The following WAPL variants were observed in gnomAD, a reference collection of about 807,000 sequenced individuals.
WAPL encodes wings apart-like protein homolog.
In WAPL, 5 loss-of-function variants were observed where a neutral mutation model predicts 121.0. The observed-to-expected ratio is 0.04, with a 90% CI of 0.02 to 0.09. The LOEUF (loss-of-function observed/expected upper bound fraction) is 0.09. Among genes scored for constraint, WAPL ranks in the 10% least tolerant of loss-of-function variants. The probability of loss-of-function intolerance (pLI) is 1.00; values close to 1 mark genes in which losing one functional copy is unlikely to be tolerated. For synonymous variants in WAPL, 480 were observed against 481.5 expected (o/e 1.00, Z 0.04); for missense variants, 999 against 1,410.8 (o/e 0.71, Z 4.68).
At chr10:86,455,548 G>T (rs1357575966) in intron 12 of WAPL, among the ~76,000 whole-genome samples, 1 of 151,538 alleles carries the variant, frequency 6.6e-6, no homozygotes, top group African/African-American at 2.4e-5. Flanking sequence ...CACAAGGAAG[G>T]CCGCAGGGTC....
chr10:86,467,578 C>T, intron 8 of WAPL, 72 bp from the exon 9 acceptor site: 2 of 1,099,534 alleles, frequency 1.8e-6, no homozygotes, highest in Non-Finnish European at 2.6e-6. Flanking sequence ...GGAAATAAGA[C>T]TATTAATGAC....
At chr10:86,455,682 C>CAAAA (rs1841124136) in intron 12 of WAPL, among the ~76,000 whole-genome samples, 1 of 38,784 alleles carries the variant, frequency 2.6e-5, no homozygotes, top group Non-Finnish European at 5.7e-5. Context: ...TCAATAAATA[C>CAAAA]TAAAAAAAAA....
chr10:86,460,364 T>A, intron 11 of WAPL, 35 bp downstream of exon 11: 1 of 1,540,300 alleles, frequency 6.5e-7, no homozygotes, highest in South Asian at 1.1e-5. Flanking sequence ...CAATTAAGAC[T>A]GAATAATTTT....
intron 9 of WAPL, among the ~76,000 whole-genome samples, chr10:86,462,429 T>C (rs1202167147): frequency 5.9e-5 from 9 of 152,038 alleles, no homozygotes; most frequent in Admixed American, 5.9e-4. Flanking sequence ...AAAAAAGTTG[T>C]TCTCGGCCAG....
Position 86,443,349 on chromosome 10 carries a change from C to G in WAPL, c.3337G>C (p.Gly1113Arg). 6.2e-7 allele frequency: 1 copy of G among 1,613,834 alleles called. No homozygotes were observed. Among genetic ancestry groups the G allele is most frequent in the Non-Finnish European group, 8.5e-7 (1 of 1,179,930 alleles). ...ACAATGCAATCCTCCATGTGTTTGC[C>G]GGCATGCTGAAGGGCTGAGAGAATT... is the stretch of plus-strand genomic sequence containing the variant. ...LDLNKALQHA[G>R]KHMEDCIVAS... The change falls in exon 17 of 19, where the codon GGC becomes CGC. Residue 1113 changes from glycine (G) to arginine (R), a missense_variant. By Grantham distance (125) the Gly-to-Arg change is moderately radical. Around this residue, in one of 7 missense-constraint regions of WAPL, gnomAD observed 126 missense variants for 144.0 expected, o/e 0.87. Coordinates refer to ENST00000298767, the MANE Select transcript of WAPL (RefSeq NM_015045.5).
chr10:86,475,722 T>C (rs1448095655), intron 4 of WAPL, among the ~76,000 whole-genome samples: 1 of 152,230 alleles, frequency 6.6e-6, no homozygotes, highest in African/African-American at 2.4e-5. Context: ...ATTCCTTCCA[T>C]TCTTTTCAAA....
intron 12 of WAPL, among the ~76,000 whole-genome samples, chr10:86,455,776 A>G (rs1188759623): frequency 6.6e-6 from 1 of 152,076 alleles, no homozygotes; most frequent in Non-Finnish European, 1.5e-5. Flanking sequence ...TAAAAGATAG[A>G]GCGTAAATCT....
At chr10:86,485,238 C>T (rs1435808737) in intron 4 of WAPL, among the ~76,000 whole-genome samples, 1 of 151,942 alleles carries the variant, frequency 6.6e-6, no homozygotes, top group African/African-American at 2.4e-5. Context: ...TTAAAGGCAC[C>T]TATACTAAAG....
intron 16 of WAPL, chr10:86,443,658 G>C: frequency 3.1e-6 from 1 of 323,532 alleles, no homozygotes; most frequent in Non-Finnish European, 5.7e-6. Context: ...TCATGAACTT[G>C]ATAAGGGTCA....
chr10:86,463,273 A>G (rs1841329944), intron 9 of WAPL, among the ~76,000 whole-genome samples: 1 of 152,258 alleles, frequency 6.6e-6, no homozygotes, highest in Admixed American at 6.5e-5. Flanking sequence ...CCAGGTTGAC[A>G]GAGCCAGAGA....
At chr10:86,490,788 C>T (rs753165447) in intron 4 of WAPL, among the ~76,000 whole-genome samples, 1 of 152,180 alleles carries the variant, frequency 6.6e-6, no homozygotes, top group African/African-American at 2.4e-5. Context: ...GAAGGCCGGG[C>T]GCGGTGGCTC....
At chr10:86,442,935 C>T (rs978474272) in intron 17 of WAPL, among the ~76,000 whole-genome samples, 3 of 148,900 alleles carry the variant, frequency 2.0e-5, no homozygotes, top group East Asian at 2.0e-4. Context: ...CCCAGCTACT[C>T]GGGAGACTGA....
intron 4 of WAPL, among the ~76,000 whole-genome samples, chr10:86,482,620 G>A (rs1025319780): frequency 6.6e-6 from 1 of 152,142 alleles, no homozygotes; most frequent in African/African-American, 2.4e-5. Context: ...CAGGAAGAAA[G>A]AAGTTTTCAC....
At chr10:86,514,928 G>A (rs760289177) in intron 2 of WAPL, among the ~76,000 whole-genome samples, 29 of 151,966 alleles carry the variant, frequency 1.9e-4, no homozygotes, top group Non-Finnish European at 3.5e-4. Flanking sequence ...TACTTCCTCC[G>A]GCCCACCCAC....
Position 86,499,939 on chromosome 10 carries a change from T to C in WAPL, c.1304A>G (p.Glu435Gly). Residue 435 changes from glutamate (E) to glycine (G), a missense_variant, in exon 3 of 19, where the codon GAG becomes GGG. This residue lies in a region of WAPL where 531 missense variants were observed against 563.1 expected (regional missense o/e 0.94). Transcript: ENST00000298767. Reference sequence around the variant, plus strand: ...AGAACCTCCTTCATCACCTCCTGTCTCATGATCTTCAAAACCAAAAAATTC... The same window carrying C: ...AGAACCTCCTTCATCACCTCCTGTCCCATGATCTTCAAAACCAAAAAATTC... ...KLEFFGFEDH[E>G]TGGDEGGSGS... 1 of 1,614,178 alleles carries C rather than the reference T, an allele frequency of 6.2e-7. No homozygotes were observed. Among genetic ancestry groups the C allele is most frequent in the African/African-American group, 1.3e-5 (1 of 75,060 alleles).
chr10:86,448,265 G>A lies in WAPL; in HGVS notation c.3115-1816C>T, dbSNP rs1840884327. Among the ~76,000 whole-genome samples the A allele has an allele frequency of 4.6e-5, 7 of 152,120 alleles. No individual in the cohort carries two copies. In the South Asian group the frequency reaches 1.5e-3, roughly 32 times the overall value. On this transcript the variant is annotated intron_variant, in intron 15 of 18. Transcript: ENST00000298767. ...GACAAAGCAGGAGGATCACTTGAGT[G>A]CAAGAGTTTGAGACCTCAGCTCTAC...
intron 12 of WAPL, among the ~76,000 whole-genome samples, chr10:86,458,459 A>T (rs929134456): frequency 6.6e-6 from 1 of 152,232 alleles, no homozygotes; most frequent in Non-Finnish European, 1.5e-5. Flanking sequence ...AAGAACAGAG[A>T]AAAGTCCATT....
intron 2 of WAPL, among the ~76,000 whole-genome samples, chr10:86,515,077 T>C (rs1171576303): frequency 6.6e-6 from 1 of 151,464 alleles, no homozygotes; most frequent in Non-Finnish European, 1.5e-5. Context: ...CGGGCCAACA[T>C]GGTGAAACGC....
Position 86,520,165 on chromosome 10 carries a change from C to CA in WAPL, c.-23+1199dup, listed in dbSNP as rs531991188. On this transcript the variant is annotated intron_variant, in intron 1 of 18. Coordinates refer to ENST00000298767, the MANE Select transcript of WAPL (RefSeq NM_015045.5). ...AGAAAATTAGCCGGGCGTGGTGGCGCATGCCTGTAATCCCAGCTACTCCGG... is the reference window on the plus strand; with the variant it reads ...AGAAAATTAGCCGGGCGTGGTGGCGCAATGCCTGTAATCCCAGCTACTCCGG... Among the ~76,000 whole-genome samples, 1,345 of 152,212 alleles carry CA rather than the reference C, an allele frequency of 8.8e-3. 19 individuals are homozygous for CA. Among genetic ancestry groups the CA allele is most frequent in the Non-Finnish European group, 0.014 (920 of 67,998 alleles).
Sources: allele counts gnomAD v4.1 joint callset (sites outside exome capture counted in the v4.1 genomes callset), GRCh38; gene constraint gnomAD v4.1.1; regional missense constraint gnomAD v4.1.1; transcripts MANE v1.5; gene names NCBI Gene and HGNC (gene_info 2026-07-23, HGNC 2026-07-21).